OTULIN: variants seen among roughly 807,000 people sequenced by gnomAD.
OTULIN encodes ubiquitin thioesterase otulin.
Under a neutral mutation model 39.6 loss-of-function variants are expected in OTULIN, and 15 were observed. That is an observed-to-expected ratio of 0.38 (90% CI 0.25 to 0.58). The LOEUF is 0.58. Ranked by LOEUF, OTULIN falls within the 20% of genes least tolerant of loss-of-function variation. OTULIN has a pLI of 0.66. For synonymous variants in OTULIN, 156 were observed against 170.3 expected, an observed-to-expected ratio of 0.92 and a Z score of 0.65; for missense variants, 319 against 445.9, an observed-to-expected ratio of 0.72 and a Z score of 2.56.
chr5:14,687,305 A>G (rs1302580898), intron 4 of OTULIN, among the ~76,000 whole-genome samples: 1 of 152,090 alleles, frequency 6.6e-6, no homozygotes, highest in Non-Finnish European at 1.5e-5. Context: ...CAAAAGCACC[A>G]TTTCACTCCA....
intron 5 of OTULIN, among the ~76,000 whole-genome samples, chr5:14,689,684 T>G (rs1736473669): frequency 6.6e-6 from 1 of 152,216 alleles, no homozygotes; most frequent in African/African-American, 2.4e-5. Flanking sequence ...TAATTGTAGC[T>G]GCCCTTCACA....
chr5:14,689,735 A>G lies in OTULIN; in HGVS notation c.595-304A>G, dbSNP rs551722844. ...TTCACACACATGTGTTAGCTCTTCCATAAGTGTCTCTGATTGGCTGGTTCA... is the reference window on the plus strand; with the variant it reads ...TTCACACACATGTGTTAGCTCTTCCGTAAGTGTCTCTGATTGGCTGGTTCA... On this transcript the variant is annotated intron_variant, in intron 5 of 6. Coordinates refer to ENST00000284274, the MANE Select transcript of OTULIN (RefSeq NM_138348.6). Among the ~76,000 whole-genome samples the G allele has an allele frequency of 4.6e-5, 7 of 152,282 alleles. No homozygotes were observed. In the South Asian group the frequency reaches 1.4e-3, roughly 32 times the overall value.
intron 2 of OTULIN, among the ~76,000 whole-genome samples, chr5:14,677,396 T>C (rs1473561580): frequency 6.6e-6 from 1 of 152,246 alleles, no homozygotes; most frequent in Non-Finnish European, 1.5e-5. Flanking sequence ...ATGTACAACT[T>C]GCTCAGGAGT....
Position 14,670,791 on chromosome 5 carries a change from A to G in OTULIN, c.153-2851A>G, listed in dbSNP as rs1393518452. Among the ~76,000 whole-genome samples the G allele has an allele frequency of 9.4e-5, 14 of 148,224 alleles. 1 individual carries two copies. The East Asian group carries it at 1.8e-3, about 19-fold the overall frequency. Reference sequence around the variant, plus strand: ...AATTAATTTTTTTTTTTTTTTGTAGAGGCGGGGTCTTGCTTTATGCCCAGG... The same window carrying G: ...AATTAATTTTTTTTTTTTTTTGTAGGGGCGGGGTCTTGCTTTATGCCCAGG... On this transcript the variant is annotated intron_variant, in intron 1 of 6. Transcript: ENST00000284274.
chr5:14,683,270 C>A (rs1005262488), intron 4 of OTULIN, among the ~76,000 whole-genome samples: 5 of 151,854 alleles, frequency 3.3e-5, no homozygotes, highest in South Asian at 4.2e-4. Context: ...TAAAAAAAAA[C>A]CAAAACCAAC....
intron 2 of OTULIN, 46 bp from the exon 3 acceptor site, chr5:14,678,635 G>C: frequency 7.5e-7 from 1 of 1,340,534 alleles, no homozygotes; most frequent in Non-Finnish European, 1.0e-6. Context: ...TTCTGATTAT[G>C]CTTTGATTTA....
At chr5:14,713,716 C>T in the OTULIN span, 1 of 1,611,746 alleles carries the variant, frequency 6.2e-7, no homozygotes, top group Admixed American at 1.7e-5. The surrounding 1 kb of genome is among the most constrained non-coding windows in gnomAD (Gnocchi z 4.4). Context: ...CATCCACTCC[C>T]CATCCTGCTG....
At chr5:14,673,457 G>A (rs998134238) in intron 1 of OTULIN, among the ~76,000 whole-genome samples, 185 bp from the exon 2 acceptor site, 2 of 152,298 alleles carry the variant, frequency 1.3e-5, no homozygotes, top group African/African-American at 4.8e-5. Context: ...GAAGAAAGTG[G>A]TGAGATAGAA....
chr5:14,675,491 T>A (rs31926), intron 2 of OTULIN, among the ~76,000 whole-genome samples: 143,926 of 152,340 alleles, frequency 0.94, 68,119 homozygotes, highest in African/African-American at 0.99. Flanking sequence ...AAGAATGCTC[T>A]GTCTCTACTC....
At chr5:14,711,384 C>T in the OTULIN span, 3 of 1,333,912 alleles carry the variant, frequency 2.2e-6, no homozygotes, top group Non-Finnish European at 3.2e-6. Flanking sequence ...AGCAGGGAGA[C>T]AACACCGGGG....
the OTULIN span, among the ~76,000 whole-genome samples, chr5:14,714,720 T>TA: frequency 6.6e-6 from 1 of 152,056 alleles, no homozygotes; most frequent in African/African-American, 2.4e-5. Context: ...AGGCATATGC[T>TA]AAACTGGTTG....
Position 14,697,512 on chromosome 5 carries a change from C to G in OTULIN, c.*4464C>G, listed in dbSNP as rs1736701260. ...TATTTTTTTCAGGTTATATTGAAATCTACTACCAGGAATGTCGGAATGGGT... is the reference window on the plus strand; with the variant it reads ...TATTTTTTTCAGGTTATATTGAAATGTACTACCAGGAATGTCGGAATGGGT... On this transcript the variant is annotated 3_prime_UTR_variant, in exon 7 of 7. Transcript: ENST00000284274. The G allele has an allele frequency of 6.6e-6, 1 of 152,094 alleles. No homozygotes were observed. The highest frequency in any genetic ancestry group is 1.5e-5 in the Non-Finnish European group (1 of 68,024). The allele number at this position is 152,094 out of a possible 1,614,324, so 9.4% of individuals were successfully genotyped here.
chr5:14,666,405 A>G lies in OTULIN; in HGVS notation c.152+1428A>G, dbSNP rs148402188. On this transcript the variant is annotated intron_variant, in intron 1 of 6. Coordinates refer to ENST00000284274, the MANE Select transcript of OTULIN (RefSeq NM_138348.6). ...CTATATAGACTTAGAGCTGAAAGGAATGTAAAAAAAAAACTAGCCTAGGTT... is the reference window on the plus strand; with the variant it reads ...CTATATAGACTTAGAGCTGAAAGGAGTGTAAAAAAAAAACTAGCCTAGGTT... Among the ~76,000 whole-genome samples the G allele has an allele frequency of 4.9e-3, 751 of 152,268 alleles. 7 individuals are homozygous for G. The highest frequency in any genetic ancestry group is 0.017 in the African/African-American group (702 of 41,566).
Position 14,664,744 on chromosome 5 carries a change from T to C in OTULIN, c.-82T>C, listed in dbSNP as rs1315458615. ...GAAACCGCCCCGGCGGCTGAGAGGC[T>C]GCGGCCACTGCCTGGCACCCCGACG... is the stretch of plus-strand genomic sequence containing the variant. On this transcript the variant is annotated 5_prime_UTR_variant, in exon 1 of 7. Coordinates refer to ENST00000284274, the MANE Select transcript of OTULIN (RefSeq NM_138348.6). 1.1e-5 allele frequency: 12 copies of C among 1,083,144 alleles called. No homozygotes were observed. The highest frequency in any genetic ancestry group is 1.0e-4 in the Admixed American group (2 of 19,442). 67.1% of individuals were successfully genotyped at this position (1,083,144 alleles called of 1,614,324 possible). A position where few individuals can be genotyped will look rare whatever the true frequency, so the allele number is the denominator to read the frequency against.
rs1230009859 is a variant in OTULIN at position 14,698,553 on chromosome 5, T to A, written c.*5505T>A. The A allele has an allele frequency of 6.6e-6, 1 of 152,246 alleles. No homozygotes were observed. 9.4% of individuals were successfully genotyped at this position (152,246 alleles called of 1,614,324 possible). ...GTTGATCCACTTTAGCAAACCCTGC[T>A]GCAGAGGACTGTAAAAACAAATAAC... On this transcript the variant is annotated 3_prime_UTR_variant, in exon 7 of 7. Coordinates refer to ENST00000284274, the MANE Select transcript of OTULIN (RefSeq NM_138348.6).
intron 1 of OTULIN, among the ~76,000 whole-genome samples, chr5:14,672,032 C>G (rs1251289800): frequency 6.6e-6 from 1 of 152,112 alleles, no homozygotes; most frequent in Non-Finnish European, 1.5e-5. Flanking sequence ...TAAATAAACC[C>G]TGGCAGTCTA....
Position 14,687,898 on chromosome 5 carries a change from A to G in OTULIN, c.594+252A>G, listed in dbSNP as rs571943666. ...ATAATGAAGTGTTTGACTTTCTTAAAAGGAAACCTTAACAAATATAGTCTT... is the reference window on the plus strand; with the variant it reads ...ATAATGAAGTGTTTGACTTTCTTAAGAGGAAACCTTAACAAATATAGTCTT... On this transcript the variant is annotated intron_variant, in intron 5 of 6. Coordinates refer to ENST00000284274, the MANE Select transcript of OTULIN (RefSeq NM_138348.6). 4.7e-5 allele frequency: 13 copies of G among 274,734 alleles called. No homozygotes were observed. In the South Asian group the frequency reaches 7.5e-4, roughly 16 times the overall value. 17.0% of individuals were successfully genotyped at this position (274,734 alleles called of 1,614,324 possible). A position where few individuals can be genotyped will look rare whatever the true frequency, so the allele number is the denominator to read the frequency against.
At position 14,677,449 on chromosome 5, in the gene OTULIN, G is replaced by A. The variant is rs114020320; in HGVS notation, c.230-1232G>A. On this transcript the variant is annotated intron_variant, in intron 2 of 6. Transcript: ENST00000284274. ...CTTCTGCATTCTAAAATCATTGCTA[G>A]CATCTACGTCTTCAGTAATTTAAAA... Among the ~76,000 whole-genome samples, 617 of 152,242 alleles carry A rather than the reference G, an allele frequency of 4.1e-3. 4 individuals are homozygous for A. The highest frequency in any genetic ancestry group is 0.015 in the African/African-American group (603 of 41,506).
the OTULIN span, chr5:14,707,910 G>GA: frequency 1.1e-3 from 170 of 152,292 alleles, 1 homozygote; most frequent in African/African-American, 3.7e-3. Flanking sequence ...AGTCATGGGG[G>GA]ATGACTGTTT....
Sources: allele counts gnomAD v4.1 joint callset (sites outside exome capture counted in the v4.1 genomes callset), GRCh38; gene constraint gnomAD v4.1.1; non-coding constraint Gnocchi (gnomAD v3.1); transcripts MANE v1.5; gene names NCBI Gene and HGNC (gene_info 2026-07-23, HGNC 2026-07-21).